The following DGKB variants were observed in gnomAD, a reference collection of about 807,000 sequenced individuals.
The protein encoded by DGKB is 90 kDa diacylglycerol kinase.
DGKB carries 67 observed loss-of-function variants against 114.3 expected under a neutral mutation model. The observed-to-expected ratio is 0.59, with a 90% CI of 0.48 to 0.72. DGKB has a LOEUF of 0.72. Ranked by LOEUF, DGKB falls within the 30% of genes least tolerant of loss-of-function variation. The pLI is 0.00. For synonymous variants in DGKB, 398 were observed against 323.1 expected (o/e 1.23, Z -2.49); for missense variants, 907 against 975.2 (o/e 0.93, Z 0.93).
chr7:14,428,247 G>A (rs1447981699), intron 21 of DGKB, among the ~76,000 whole-genome samples: 1 of 151,630 alleles, frequency 6.6e-6, no homozygotes, highest in East Asian at 1.9e-4. Context: ...TACTTTATCA[G>A]TTCTGTTCTC....
intron 21 of DGKB, among the ~76,000 whole-genome samples, chr7:14,470,377 T>G (rs2128886074): frequency 6.6e-6 from 1 of 152,004 alleles, no homozygotes; most frequent in Admixed American, 6.6e-5. Flanking sequence ...ATAATTTACA[T>G]TTTTAAATGA....
intron 23 of DGKB, among the ~76,000 whole-genome samples, chr7:14,238,617 C>T (rs763391368): frequency 1.7e-4 from 26 of 151,732 alleles, no homozygotes; most frequent in Non-Finnish European, 2.9e-4. Flanking sequence ...GCAAATCATT[C>T]TGAAAATGGT....
At position 14,313,460 on chromosome 7, in the gene DGKB, G is replaced by C. The variant is rs1805792553; in HGVS notation, c.2122+25055C>G. 3.3e-5 allele frequency among the ~76,000 whole-genome samples: 5 copies of C among 152,176 alleles called. No homozygotes were observed. The South Asian group carries it at 1.0e-3, about 31-fold the overall frequency. On this transcript the variant is annotated intron_variant, in intron 23 of 25. Coordinates refer to ENST00000402815, the MANE Select transcript of DGKB (RefSeq NM_001350709.2). ...GCAGGGCGAGGCATTGCCTCACTCG[G>C]GAAGCGCAAGGGGTCAGGGAGTTCC...
chr7:14,666,633 G>T (rs767262461), intron 13 of DGKB, among the ~76,000 whole-genome samples: 2 of 151,846 alleles, frequency 1.3e-5, no homozygotes, highest in Admixed American at 1.3e-4. Flanking sequence ...CATGAGTCTC[G>T]ATGAGTTGGG....
intron 17 of DGKB, among the ~76,000 whole-genome samples, chr7:14,586,784 G>A (rs1031172786): frequency 5.9e-5 from 9 of 151,660 alleles, no homozygotes; most frequent in East Asian, 1.9e-4. Flanking sequence ...GGAACAAAGC[G>A]TGAGGGATAT....
At chr7:14,449,922 T>C (rs1282848949) in intron 21 of DGKB, among the ~76,000 whole-genome samples, 1 of 152,106 alleles carries the variant, frequency 6.6e-6, no homozygotes, top group Non-Finnish European at 1.5e-5. Flanking sequence ...ACTATCTAAT[T>C]AGTTCTTTAT....
chr7:14,720,219 A>C (rs948885185), intron 5 of DGKB, among the ~76,000 whole-genome samples: 6 of 152,094 alleles, frequency 3.9e-5, no homozygotes, highest in African/African-American at 1.4e-4. Context: ...ACACCATCTA[A>C]ATTGAGTTTA....
chr7:14,568,806 C>T (rs1268987838), intron 20 of DGKB, among the ~76,000 whole-genome samples: 1 of 152,150 alleles, frequency 6.6e-6, no homozygotes, highest in Admixed American at 6.5e-5. Context: ...GTATATTGTA[C>T]AGCGCTAGCT....
At chr7:14,652,539 T>C (rs927750807) in intron 13 of DGKB, among the ~76,000 whole-genome samples, 2 of 151,846 alleles carry the variant, frequency 1.3e-5, no homozygotes, top group South Asian at 2.1e-4. Context: ...CCTAAAACCA[T>C]AAAAACCCTA....
At chr7:14,285,544 A>C (rs995581758) in intron 23 of DGKB, among the ~76,000 whole-genome samples, 6 of 152,214 alleles carry the variant, frequency 3.9e-5, no homozygotes, top group African/African-American at 1.4e-4. Flanking sequence ...TATTATTTTC[A>C]GCTGAAAGTC....
chr7:14,863,898 G>A (rs1054573929), intron 1 of DGKB, among the ~76,000 whole-genome samples: 5 of 151,872 alleles, frequency 3.3e-5, no homozygotes, highest in South Asian at 2.1e-4. Flanking sequence ...TCAGGAGTTC[G>A]AGACCAGCCT....
intron 23 of DGKB, among the ~76,000 whole-genome samples, chr7:14,182,504 T>C (rs1196412907): frequency 6.6e-6 from 1 of 152,114 alleles, no homozygotes; most frequent in Non-Finnish European, 1.5e-5. Flanking sequence ...GAAGAGTCAG[T>C]AGATTTCACC....
chr7:14,825,393 T>C (rs73052949), intron 2 of DGKB, among the ~76,000 whole-genome samples: 5,089 of 152,210 alleles, frequency 0.033, 119 homozygotes, highest in Non-Finnish European at 0.054. Context: ...ATAGAATCAG[T>C]GGGAGCCCTA....
chr7:14,597,741 C>G (rs895540465), intron 17 of DGKB, among the ~76,000 whole-genome samples: 7 of 152,020 alleles, frequency 4.6e-5, no homozygotes, highest in Admixed American at 2.0e-4. Flanking sequence ...TCACCTAAGA[C>G]TTGAGTCTTA....
intron 8 of DGKB, among the ~76,000 whole-genome samples, chr7:14,696,275 G>C (rs191274986): frequency 2.0e-5 from 3 of 151,248 alleles, no homozygotes; most frequent in Middle Eastern, 3.4e-3. Flanking sequence ...GGGTGGATCA[G>C]GAGGTCAGGA....
intron 12 of DGKB, among the ~76,000 whole-genome samples, chr7:14,680,749 T>C (rs1031472962): frequency 2.0e-5 from 3 of 151,844 alleles, no homozygotes; most frequent in African/African-American, 4.8e-5. Flanking sequence ...GGAGATTAAA[T>C]AGAGAAAGAA....
chr7:14,898,115 A>G (rs1213075946), intron 1 of DGKB, among the ~76,000 whole-genome samples: 2 of 152,028 alleles, frequency 1.3e-5, no homozygotes, highest in Non-Finnish European at 2.9e-5. Context: ...GTAGAATCCA[A>G]CTAGATACCT....
intron 21 of DGKB, among the ~76,000 whole-genome samples, chr7:14,401,320 A>T (rs1039786105): frequency 6.6e-6 from 1 of 151,918 alleles, no homozygotes; most frequent in African/African-American, 2.4e-5. Context: ...TTGTTCCCTT[A>T]TCTACCATCT....
At chr7:14,280,337 C>A (rs1374765607) in intron 23 of DGKB, among the ~76,000 whole-genome samples, 4 of 151,976 alleles carry the variant, frequency 2.6e-5, no homozygotes, top group Non-Finnish European at 4.4e-5. Flanking sequence ...ACGAGCAAAG[C>A]CTCCAAGAAA....
Sources: gnomAD v4.1 joint callset for allele counts (sites outside exome capture counted in the v4.1 genomes callset) on GRCh38, gnomAD v4.1.1 for gene constraint, MANE v1.5 for transcripts, NCBI Gene and HGNC (gene_info 2026-07-23, HGNC 2026-07-21) for gene names.